The following SUMF1 variants were observed in gnomAD, a reference collection of about 807,000 sequenced individuals.
SUMF1 encodes formylglycine-generating enzyme.
SUMF1 carries 48 observed loss-of-function variants against 47.6 expected under a neutral mutation model. The ratio of observed to expected loss-of-function variants is 1.01; its 90% confidence interval spans 0.80 to 1.28. SUMF1 has a LOEUF of 1.28. Ranked by LOEUF, SUMF1 falls within the 50% of genes most tolerant of loss-of-function variation. SUMF1 has a pLI of 0.00. For synonymous variants in SUMF1, 230 were observed against 192.1 expected (o/e 1.20, Z -1.63); for missense variants, 571 against 485.4 (o/e 1.18, Z -1.66).
intron 8 of SUMF1, among the ~76,000 whole-genome samples, chr3:4,242,478 A>G (rs1313319607): frequency 2.0e-5 from 3 of 152,218 alleles, no homozygotes; most frequent in Non-Finnish European, 4.4e-5. Context: ...AATTTTTAGC[A>G]TGAAACACTG....
At chr3:4,399,231 C>G (rs1407250706) in intron 7 of SUMF1, among the ~76,000 whole-genome samples, 1 of 152,150 alleles carries the variant, frequency 6.6e-6, no homozygotes, top group Non-Finnish European at 1.5e-5. Context: ...AGAAGCACAG[C>G]AGTCTGGAGT....
At chr3:4,448,071 A>G (rs1575235232) in intron 3 of SUMF1, among the ~76,000 whole-genome samples, 1 of 152,304 alleles carries the variant, frequency 6.6e-6, no homozygotes, top group East Asian at 1.9e-4. Context: ...GGAATATCAG[A>G]TTACATATTA....
At chr3:4,352,503 C>T (rs1015843166) in intron 8 of SUMF1, among the ~76,000 whole-genome samples, 1 of 152,136 alleles carries the variant, frequency 6.6e-6, no homozygotes, top group Non-Finnish European at 1.5e-5. Context: ...CTTTATAATA[C>T]AGCCACCATC....
At chr3:4,171,481 G>A (rs1193866906) in intron 8 of SUMF1, among the ~76,000 whole-genome samples, 1 of 152,082 alleles carries the variant, frequency 6.6e-6, no homozygotes, top group African/African-American at 2.4e-5. Context: ...CAGGCCAAAT[G>A]ATTACATCTA....
At chr3:4,251,784 G>C (rs1559614227) in intron 8 of SUMF1, among the ~76,000 whole-genome samples, 1 of 152,106 alleles carries the variant, frequency 6.6e-6, no homozygotes, top group Non-Finnish European at 1.5e-5. Flanking sequence ...ATCAGTCAGG[G>C]ACCATCAATA....
intron 8 of SUMF1, among the ~76,000 whole-genome samples, chr3:4,332,157 T>G (rs1326763981): frequency 6.6e-6 from 1 of 152,238 alleles, no homozygotes; most frequent in Non-Finnish European, 1.5e-5. Flanking sequence ...CTTTTACATA[T>G]TTTGGTAGTG....
intron 8 of SUMF1, among the ~76,000 whole-genome samples, chr3:4,100,937 T>C (rs567953875): frequency 5.1e-4 from 78 of 152,080 alleles, no homozygotes; most frequent in African/African-American, 1.7e-3. Flanking sequence ...GAAATGCAAA[T>C]TAAAACCACA....
chr3:4,410,360 G>C (rs1701502153), intron 7 of SUMF1, among the ~76,000 whole-genome samples: 1 of 152,164 alleles, frequency 6.6e-6, no homozygotes, highest in Non-Finnish European at 1.5e-5. Context: ...GACATACTAA[G>C]AGGTTCAGGA....
At chr3:4,244,162 T>C (rs764426573) in intron 8 of SUMF1, among the ~76,000 whole-genome samples, 2 of 152,186 alleles carry the variant, frequency 1.3e-5, no homozygotes, top group Non-Finnish European at 2.9e-5. Context: ...TGTCTTTGCA[T>C]GTGAGATGGG....
intron 8 of SUMF1, among the ~76,000 whole-genome samples, chr3:4,282,189 T>C (rs891698198): frequency 2.0e-4 from 31 of 152,264 alleles, no homozygotes; most frequent in African/African-American, 6.3e-4. Flanking sequence ...CCTATTATCA[T>C]TTTGTTAAAC....
intron 8 of SUMF1, among the ~76,000 whole-genome samples, chr3:4,095,464 T>C (rs757743349): frequency 5.3e-5 from 8 of 152,108 alleles, no homozygotes; most frequent in Non-Finnish European, 1.2e-4. Flanking sequence ...TTTTTTGTAA[T>C]CCACACCACA....
At chr3:4,162,641 G>A (rs1046100307) in intron 8 of SUMF1, among the ~76,000 whole-genome samples, 4 of 152,164 alleles carry the variant, frequency 2.6e-5, no homozygotes, top group African/African-American at 9.7e-5. Flanking sequence ...CCTCCCACAA[G>A]CATACATATT....
chr3:4,196,793 G>A (rs1370674707), intron 8 of SUMF1, among the ~76,000 whole-genome samples: 2 of 152,182 alleles, frequency 1.3e-5, no homozygotes, highest in Admixed American at 6.5e-5. Flanking sequence ...CTGTTTCATG[G>A]GAAAAGTACT....
chr3:4,100,446 G>T (rs558496382), intron 8 of SUMF1, among the ~76,000 whole-genome samples: 189 of 151,868 alleles, frequency 1.2e-3, no homozygotes, highest in Non-Finnish European at 2.3e-3. Context: ...GGAAAAGATG[G>T]TCTCGTCAAT....
At position 4,404,579 on chromosome 3, in the gene SUMF1, G is replaced by A. The variant is rs148200561; in HGVS notation, c.954+6286C>T. 3.1e-3 allele frequency among the ~76,000 whole-genome samples: 474 copies of A among 152,164 alleles called. 2 individuals are homozygous for A. Among genetic ancestry groups the A allele is most frequent in the African/African-American group, 0.011 (448 of 41,504 alleles). On this transcript the variant is annotated intron_variant, in intron 7 of 8. Transcript: ENST00000272902. ...TCGAGACCAACCTGACCAACATGGC[G>A]AAACCCCGTCTCGACTGAAAATACA...
At chr3:4,437,931 T>A (rs1055811371) in intron 3 of SUMF1, among the ~76,000 whole-genome samples, 1 of 151,812 alleles carries the variant, frequency 6.6e-6, no homozygotes, top group Non-Finnish European at 1.5e-5. Flanking sequence ...AGGGCAAGAC[T>A]GTCTCAAAAC....
At chr3:4,254,148 C>A (rs893865273) in intron 8 of SUMF1, among the ~76,000 whole-genome samples, 11 of 152,006 alleles carry the variant, frequency 7.2e-5, no homozygotes, top group East Asian at 5.8e-4. Context: ...GCAAAAAAAA[C>A]CACAAAGATG....
At chr3:4,183,162 C>G (rs914247845) in intron 8 of SUMF1, among the ~76,000 whole-genome samples, 1 of 152,102 alleles carries the variant, frequency 6.6e-6, no homozygotes, top group African/African-American at 2.4e-5. Context: ...AAACTAAAAG[C>G]TTGGTGTCAG....
chr3:4,375,828 T>C (rs757992162), intron 8 of SUMF1, among the ~76,000 whole-genome samples: 4 of 152,148 alleles, frequency 2.6e-5, no homozygotes, highest in Non-Finnish European at 5.9e-5. Context: ...ACTAAAATCA[T>C]AGCCCAAAGA....
Sources: allele counts gnomAD v4.1 joint callset (sites outside exome capture counted in the v4.1 genomes callset), GRCh38; gene constraint gnomAD v4.1.1; transcripts MANE v1.5; gene names NCBI Gene and HGNC (gene_info 2026-07-23, HGNC 2026-07-21).